The following HOMER2 variants were observed in gnomAD, a reference collection of about 807,000 sequenced individuals.
HOMER2 encodes the protein homer protein homolog 2.
A neutral mutation model predicts 47.0 loss-of-function variants in HOMER2; 27 were observed. That is an observed-to-expected ratio of 0.57 (90% CI 0.42 to 0.79). The LOEUF (loss-of-function observed/expected upper bound fraction) is 0.79, where lower values mean the gene tolerates loss of function less well. HOMER2 is among the 30% of genes least tolerant of loss of function. The pLI is 0.00. For synonymous variants in HOMER2, 161 were observed against 163.8 expected (o/e 0.98, Z 0.13); for missense variants, 443 against 435.0 (o/e 1.02, Z -0.16).
At position 82,916,661 on chromosome 15, in the gene HOMER2, A is replaced by G. The variant is rs2053597563; in HGVS notation, c.6-23820T>C. Among the ~76,000 whole-genome samples, 4 of 152,030 alleles carry G rather than the reference A, an allele frequency of 2.6e-5. No individual in the cohort carries two copies. The South Asian group carries it at 8.3e-4, about 32-fold the overall frequency. ...AACACCAGGGTCGGCAGAGGGGGAG[A>G]GGTTAAGTACTCTCAAGAGCTTTAG... On this transcript the variant is annotated intron_variant, in intron 1 of 8. Transcript: ENST00000450735.
intron 4 of HOMER2, among the ~76,000 whole-genome samples, chr15:82,863,963 C>A (rs558858898): frequency 6.6e-6 from 1 of 152,210 alleles, no homozygotes; most frequent in African/African-American, 2.4e-5. Flanking sequence ...ATCACATCAA[C>A]CATTTTCTGT....
rs544783436 is a variant in HOMER2, at chr15:82,942,723, G to A, written c.5+9808C>T. On this transcript the variant is annotated intron_variant, in intron 1 of 8. Transcript: ENST00000450735. ...ACTTTGTCCACACTTGCACCTCCCT[G>A]TAAAAGCAACGAGTTGGCAGACCGG... is the stretch of plus-strand genomic sequence containing the variant. 2.0e-5 allele frequency among the ~76,000 whole-genome samples: 3 copies of A among 152,308 alleles called. No individual in the cohort carries two copies. The East Asian group carries it at 5.8e-4, about 29-fold the overall frequency.
Position 82,849,837 on chromosome 15 carries a change from T to G in HOMER2, c.910A>C (p.Ser304Arg), listed in dbSNP as rs1479214150. 1 of 1,613,962 alleles carries G rather than the reference T, an allele frequency of 6.2e-7. No homozygotes were observed. Among genetic ancestry groups the G allele is most frequent in the Admixed American group, 1.7e-5 (1 of 60,024 alleles). The change falls in exon 9 of 9, where the codon AGC (serine) becomes CGC (arginine). Residue 304 changes from serine to arginine, a missense_variant. By Grantham distance (110) the Ser-to-Arg change is moderately radical. Transcript: ENST00000450735. ...TTCAGGTGGCGCTGTCGGTATTTGCTCTCCTCAATGTCTGTCTTTAAGGAA... is the reference window on the plus strand; with the variant it reads ...TTCAGGTGGCGCTGTCGGTATTTGCGCTCCTCAATGTCTGTCTTTAAGGAA... ...VRSLKTDIEE[S>R]KYRQRHLKVE...
intron 1 of HOMER2, among the ~76,000 whole-genome samples, chr15:82,928,123 T>C (rs1278252337): frequency 6.6e-6 from 1 of 152,174 alleles, no homozygotes; most frequent in East Asian, 1.9e-4. Context: ...CTGCTAGAAA[T>C]GCACTGCTGG....
Position 82,892,719 on chromosome 15 carries a change from T to C in HOMER2, c.128A>G (p.Asn43Ser). ...TVSYFYDVTR[N>S]SYRIISVDGA... is the part of the protein sequence containing the mutation. ...GTCCACACTGATGATCCGATAGCTG[T>C]TCCTTGTGACATCATAGAAGTAGGA... The change falls in exon 2 of 9, where the codon AAC (asparagine) becomes AGC (serine). Residue 43 changes from asparagine (N) to serine (S), a missense_variant. Transcript: ENST00000450735. 6.2e-7 allele frequency: 1 copy of C among 1,602,412 alleles called. No individual in the cohort carries two copies. Among genetic ancestry groups the C allele is most frequent in the South Asian group, 1.1e-5 (1 of 89,532 alleles).
intron 2 of HOMER2, among the ~76,000 whole-genome samples, chr15:82,890,963 A>C (rs2052686301): frequency 6.6e-6 from 1 of 152,174 alleles, no homozygotes; most frequent in Non-Finnish European, 1.5e-5. Flanking sequence ...GGCACCTTTC[A>C]GATGTTCCCC....
intron 5 of HOMER2, 26 bp from the exon 6 acceptor site, chr15:82,854,826 G>C: frequency 6.3e-7 from 1 of 1,597,456 alleles, no homozygotes; most frequent in Non-Finnish European, 8.5e-7. Context: ...GGGCGGTGAC[G>C]ACGGGGTGGG....
At chr15:82,963,982 A>C (rs2054652446) in intron 1 of HOMER2, among the ~76,000 whole-genome samples, 1 of 152,224 alleles carries the variant, frequency 6.6e-6, no homozygotes, top group Non-Finnish European at 1.5e-5. Flanking sequence ...GATGAGATGT[A>C]GTCCTAATTT....
At chr15:82,925,388 C>T (rs1736620898) in intron 1 of HOMER2, among the ~76,000 whole-genome samples, 1 of 152,200 alleles carries the variant, frequency 6.6e-6, no homozygotes, top group African/African-American at 2.4e-5. Flanking sequence ...CCCTGGGTCT[C>T]TCTGTAGCCA....
In HOMER2 at chr15:82,897,076, T is replaced by G. The variant is rs59860815; in HGVS notation, c.6-4235A>C. On this transcript the variant is annotated intron_variant, in intron 1 of 8. Coordinates refer to ENST00000450735, the MANE Select transcript of HOMER2 (RefSeq NM_004839.4). ...ATTTGATGTCATTTCTTTTTTTTTT[T>G]TTTTTTTTTAGATGAAGTCTCACTC... Among the ~76,000 whole-genome samples the G allele has an allele frequency of 8.5e-4, 124 of 145,508 alleles. 4 individuals are homozygous for G. Among genetic ancestry groups the G allele is most frequent in the East Asian group, 4.0e-3 (20 of 4,986 alleles).
intron 1 of HOMER2, among the ~76,000 whole-genome samples, chr15:82,969,679 A>G (rs1270973378): frequency 6.6e-6 from 1 of 152,246 alleles, no homozygotes; most frequent in African/African-American, 2.4e-5. Context: ...TGCATACAGT[A>G]AATGAGATAG....
chr15:82,878,535 T>G (rs1160392119), intron 2 of HOMER2, among the ~76,000 whole-genome samples: 2 of 152,228 alleles, frequency 1.3e-5, no homozygotes, highest in Non-Finnish European at 2.9e-5. Flanking sequence ...ACTCATCAGT[T>G]TTTAGAAAAT....
At chr15:82,907,521 A>AAGAG (rs373577900) in intron 1 of HOMER2, among the ~76,000 whole-genome samples, 3 of 151,862 alleles carry the variant, frequency 2.0e-5, no homozygotes, top group African/African-American at 7.3e-5. Context: ...GAAGGAAGGA[A>AAGAG]AGAGAGAGAC....
intron 8 of HOMER2, among the ~76,000 whole-genome samples, chr15:82,850,825 C>T (rs1057017379): frequency 2.0e-5 from 3 of 152,186 alleles, no homozygotes; most frequent in East Asian, 1.9e-4. Context: ...TGAAGTGGCC[C>T]CACACCCTGA....
intron 1 of HOMER2, among the ~76,000 whole-genome samples, chr15:82,938,672 C>T (rs977519887): frequency 6.6e-6 from 1 of 152,186 alleles, no homozygotes; most frequent in African/African-American, 2.4e-5. Context: ...TAGACTTCTC[C>T]ACCCGCTCCT....
intron 5 of HOMER2, 150 bp from the exon 6 acceptor site, chr15:82,854,950 C>G: frequency 1.2e-6 from 1 of 828,990 alleles, no homozygotes; most frequent in South Asian, 1.9e-5. Flanking sequence ...GGTCTGGCTA[C>G]CCTGATCCAG....
intron 2 of HOMER2, among the ~76,000 whole-genome samples, chr15:82,877,629 A>G (rs2052392834): frequency 6.6e-6 from 1 of 152,244 alleles, no homozygotes; most frequent in South Asian, 2.1e-4. Context: ...AGGAAACATT[A>G]CTGCCCCTCT....
At chr15:82,943,057 G>T (rs1055102720) in intron 1 of HOMER2, among the ~76,000 whole-genome samples, 1 of 152,154 alleles carries the variant, frequency 6.6e-6, no homozygotes, top group African/African-American at 2.4e-5. Flanking sequence ...AACTCCAGAC[G>T]GTGCCCAAAG....
upstream of HOMER2, chr15:82,985,897 A>C (rs981439621): frequency 3.1e-5 from 6 of 192,426 alleles, no homozygotes; most frequent in African/African-American, 1.4e-4. Flanking sequence ...CTCCGGGAGC[A>C]GGCGGCCGGA....
Sources: gnomAD v4.1 joint callset for allele counts (sites outside exome capture counted in the v4.1 genomes callset) on GRCh38, gnomAD v4.1.1 for gene constraint, MANE v1.5 for transcripts, NCBI Gene and HGNC (gene_info 2026-07-23, HGNC 2026-07-21) for gene names.